The following PLCB4 variants were observed in gnomAD, a reference collection of about 807,000 sequenced individuals.
PLCB4 encodes the protein 1-phosphatidylinositol 4,5-bisphosphate phosphodiesterase beta-4.
PLCB4 carries 77 observed loss-of-function variants against 178.8 expected under a neutral mutation model. That is an observed-to-expected ratio of 0.43 (90% CI 0.36 to 0.52). PLCB4 has a LOEUF of 0.52. PLCB4 is among the 20% of genes least tolerant of loss of function. The pLI is 0.00. For missense variants in PLCB4, 1,024 were observed against 1,453.4 expected, an observed-to-expected ratio of 0.70 and a Z score of 4.80; for synonymous variants, 496 against 490.8, an observed-to-expected ratio of 1.01 and a Z score of -0.14.
intron 24 of PLCB4, among the ~76,000 whole-genome samples, chr20:9,410,579 G>A (rs2039785831): frequency 6.6e-6 from 1 of 152,036 alleles, no homozygotes; most frequent in Non-Finnish European, 1.5e-5. Flanking sequence ...AATTCCCCCT[G>A]CCTCCCATCC....
intron 7 of PLCB4, among the ~76,000 whole-genome samples, chr20:9,342,246 G>A (rs1301630915): frequency 1.3e-5 from 2 of 152,064 alleles, no homozygotes; most frequent in Admixed American, 6.6e-5. Context: ...GTCTTTATAT[G>A]AAATACACAT....
At chr20:9,203,057 ATATATAT>A (rs1303850450) in intron 2 of PLCB4, among the ~76,000 whole-genome samples, 10 of 97,264 alleles carry the variant, frequency 1.0e-4, no homozygotes, top group South Asian at 6.4e-4. Context: ...AAAAAAAAAA[ATATATAT>A]ATATATATAT....
intron 3 of PLCB4, among the ~76,000 whole-genome samples, chr20:9,219,425 C>T (rs1318552990): frequency 3.9e-5 from 6 of 152,038 alleles, no homozygotes; most frequent in Non-Finnish European, 7.4e-5. Context: ...GCCGAGATGG[C>T]GCCACTGCAC....
rs376868491 is a variant in PLCB4 at position 9,203,570 on chromosome 20, TACTC to T, written c.-78-13815_-78-13812del. Among the ~76,000 whole-genome samples the T allele has an allele frequency of 3.0e-3, 454 of 152,274 alleles. 4 individuals are homozygous for T. Among genetic ancestry groups the T allele is most frequent in the African/African-American group, 0.01 (430 of 41,564 alleles). On this transcript the variant is annotated intron_variant, in intron 2 of 39. Transcript: ENST00000378473. The stretch of plus-strand genomic sequence containing the variant: ...GGAGTGGGAGAGGAATGTAATTGAG[TACTC>T]ACTCCAGGTTTCAGGAATGTGATAG...
intron 32 of PLCB4, among the ~76,000 whole-genome samples, chr20:9,448,377 C>T (rs2042544556): frequency 6.6e-6 from 1 of 152,114 alleles, no homozygotes; most frequent in Non-Finnish European, 1.5e-5. Context: ...AGAAATATGA[C>T]CTGGGCTGCA....
chr20:9,197,909 A>C (rs1010850674), intron 2 of PLCB4, among the ~76,000 whole-genome samples: 2 of 152,206 alleles, frequency 1.3e-5, no homozygotes, highest in Non-Finnish European at 2.9e-5. Context: ...TGGGAGGCAG[A>C]GGTTGCAGTG....
intron 3 of PLCB4, among the ~76,000 whole-genome samples, chr20:9,224,995 T>G (rs2147312692): frequency 6.6e-6 from 1 of 152,298 alleles, no homozygotes; most frequent in Middle Eastern, 3.4e-3. Context: ...TGGAAAAGAT[T>G]GAAATGCCAG....
chr20:9,351,596 G>A (rs1402088686), intron 7 of PLCB4, among the ~76,000 whole-genome samples: 3 of 152,092 alleles, frequency 2.0e-5, no homozygotes, highest in Non-Finnish European at 4.4e-5. Context: ...CTGTGTGTGG[G>A]GAGACTTTAC....
chr20:9,460,478 G>A (rs562771951), intron 35 of PLCB4, among the ~76,000 whole-genome samples: 1 of 152,312 alleles, frequency 6.6e-6, no homozygotes, highest in East Asian at 1.9e-4. Flanking sequence ...GAAAAGATAA[G>A]CCTGATTAAA....
chr20:9,143,505 A>G (rs985848479), intron 2 of PLCB4, among the ~76,000 whole-genome samples: 3 of 152,178 alleles, frequency 2.0e-5, no homozygotes, highest in African/African-American at 7.2e-5. Flanking sequence ...ATTTCACATT[A>G]GCTAGTTCCA....
At chr20:9,168,551 G>A (rs977992997) in intron 2 of PLCB4, among the ~76,000 whole-genome samples, 1 of 152,192 alleles carries the variant, frequency 6.6e-6, no homozygotes, top group Non-Finnish European at 1.5e-5. Context: ...CAGGTGTGGG[G>A]TGATGAGGCC....
At chr20:9,321,618 C>T (rs2094959053) in intron 4 of PLCB4, among the ~76,000 whole-genome samples, 1 of 151,894 alleles carries the variant, frequency 6.6e-6, no homozygotes, top group Non-Finnish European at 1.5e-5. Context: ...TTTACCAGGG[C>T]TTTTTTAGGT....
intron 2 of PLCB4, among the ~76,000 whole-genome samples, chr20:9,098,582 G>A (rs1459166054): frequency 1.3e-5 from 2 of 150,778 alleles, no homozygotes; most frequent in Non-Finnish European, 3.0e-5. Flanking sequence ...GGAGTATGTG[G>A]CAATTAATTC....
chr20:9,285,887 T>C (rs558412895), intron 3 of PLCB4, among the ~76,000 whole-genome samples: 4 of 152,008 alleles, frequency 2.6e-5, no homozygotes, highest in African/African-American at 9.7e-5. Flanking sequence ...TGTCCATGTC[T>C]ATTGTGAAAT....
At chr20:9,344,773 G>A (rs2033624817) in intron 7 of PLCB4, among the ~76,000 whole-genome samples, 1 of 152,144 alleles carries the variant, frequency 6.6e-6, no homozygotes, top group African/African-American at 2.4e-5. Context: ...GACGAGACTG[G>A]AGGTTTTGAC....
intron 3 of PLCB4, among the ~76,000 whole-genome samples, chr20:9,237,157 C>T (rs1006576838): frequency 2.6e-5 from 4 of 152,084 alleles, no homozygotes; most frequent in Middle Eastern, 3.4e-3. Context: ...TGGTATAATT[C>T]ACATGTGGGA....
At chr20:9,191,108 T>C (rs1397505038) in intron 2 of PLCB4, among the ~76,000 whole-genome samples, 1 of 152,198 alleles carries the variant, frequency 6.6e-6, no homozygotes, top group Non-Finnish European at 1.5e-5. Context: ...GTTGTTTCTT[T>C]TGCATTTTAT....
At chr20:9,318,796 A>G (rs1362434963) in intron 4 of PLCB4, among the ~76,000 whole-genome samples, 2 of 152,270 alleles carry the variant, frequency 1.3e-5, no homozygotes, top group Non-Finnish European at 2.9e-5. Context: ...CTGAGGATCT[A>G]CTTAGGTCTC....
intron 3 of PLCB4, among the ~76,000 whole-genome samples, chr20:9,250,283 A>G (rs2094166338): frequency 6.6e-6 from 1 of 152,228 alleles, no homozygotes; most frequent in Admixed American, 6.5e-5. Flanking sequence ...AGAGAGACCT[A>G]TTGGGTAGCC....
Sources: allele counts gnomAD v4.1 joint callset (sites outside exome capture counted in the v4.1 genomes callset), GRCh38; gene constraint gnomAD v4.1.1; transcripts MANE v1.5; gene names NCBI Gene and HGNC (gene_info 2026-07-23, HGNC 2026-07-21).